LIMS1: variants seen among roughly 807,000 people sequenced by gnomAD.
The protein encoded by LIMS1 is LIM and senescent cell antigen-like-containing domain protein 1.
Under a neutral mutation model 44.1 loss-of-function variants are expected in LIMS1, and 18 were observed. The observed-to-expected ratio is 0.41, with a 90% CI of 0.28 to 0.61. LIMS1 has a LOEUF of 0.61. Among genes scored for constraint, LIMS1 ranks in the 20% least tolerant of loss-of-function variants. The probability of loss-of-function intolerance (pLI) is 0.32; values close to 1 mark genes in which losing one functional copy is unlikely to be tolerated. For missense variants in LIMS1, 201 were observed against 422.0 expected (o/e 0.48, Z 4.59); for synonymous variants, 93 against 149.1 (o/e 0.62, Z 2.74).
At chr2:108,661,336 CT>C (rs200878283) in intron 2 of LIMS1, among the ~76,000 whole-genome samples, 173 of 146,028 alleles carry the variant, frequency 1.2e-3, no homozygotes, top group Middle Eastern at 3.6e-3. Flanking sequence ...TCTTCTAGTT[CT>C]TTTTTTTTTT....
At position 108,581,286 on chromosome 2, in the gene LIMS1, C is replaced by T. The variant is rs534388538; in HGVS notation, c.32+46692C>T. 3.3e-5 allele frequency among the ~76,000 whole-genome samples: 5 copies of T among 152,252 alleles called. No individual in the cohort carries two copies. In the East Asian group the frequency reaches 5.8e-4, roughly 18 times the overall value. ...GAAGTAAAACTTAACCCCCGCCAGT[C>T]GTAAGCTGCCAACTAACATATGACT... is the stretch of plus-strand genomic sequence containing the variant. On this transcript the variant is annotated intron_variant, in intron 1 of 9. Coordinates refer to ENST00000544547, the Ensembl canonical transcript of LIMS1.
At chr2:108,685,941 C>T (rs1406598525) in exon 10 of LIMS1, 1 of 152,136 alleles carries the variant, frequency 6.6e-6, no homozygotes, top group Non-Finnish European at 1.5e-5. Flanking sequence ...GGCCTGAACT[C>T]GACTGCTTGT....
intron 1 of LIMS1, among the ~76,000 whole-genome samples, chr2:108,596,964 A>G (rs1211996038): frequency 8.7e-6 from 1 of 114,518 alleles, no homozygotes; most frequent in South Asian, 3.2e-4. Flanking sequence ...GCTGAGGTGC[A>G]GTGGCATGAT....
At chr2:108,675,668 T>C (rs2149006023) in intron 5 of LIMS1, among the ~76,000 whole-genome samples, 1 of 152,346 alleles carries the variant, frequency 6.6e-6, no homozygotes, top group Middle Eastern at 3.4e-3. Flanking sequence ...TTGCATCTTA[T>C]CCTTTTAAGA....
At chr2:108,545,783 A>G (rs1684462853) in intron 1 of LIMS1, among the ~76,000 whole-genome samples, 1 of 152,204 alleles carries the variant, frequency 6.6e-6, no homozygotes, top group Non-Finnish European at 1.5e-5. Flanking sequence ...ATAAATGGGA[A>G]AATGACAGAA....
chr2:108,683,923 A>G (rs913369890), exon 10 of LIMS1: 4 of 1,603,436 alleles, frequency 2.5e-6, no homozygotes, highest in Non-Finnish European at 2.6e-6. Context: ...CCAGTCTGTA[A>G]GAAGTGCTAT....
intron 1 of LIMS1, among the ~76,000 whole-genome samples, chr2:108,566,836 A>G (rs562963564): frequency 2.6e-5 from 4 of 152,222 alleles, no homozygotes; most frequent in African/African-American, 9.6e-5. Context: ...ACCTCAGGTG[A>G]TGCTCCCGCC....
intron 1 of LIMS1, chr2:108,621,519 G>C: frequency 8.1e-7 from 1 of 1,229,512 alleles, no homozygotes; most frequent in Non-Finnish European, 1.2e-6. Flanking sequence ...TAAGTGCAGT[G>C]GGGATTCATG....
intron 1 of LIMS1, among the ~76,000 whole-genome samples, chr2:108,557,936 T>C (rs1304040733): frequency 6.6e-6 from 1 of 152,258 alleles, no homozygotes; most frequent in Non-Finnish European, 1.5e-5. Context: ...AGTACAATGT[T>C]ATCTCTATGA....
intron 1 of LIMS1, among the ~76,000 whole-genome samples, chr2:108,538,024 A>C (rs1684198751): frequency 6.6e-6 from 1 of 152,200 alleles, no homozygotes; most frequent in Admixed American, 6.5e-5. Flanking sequence ...TTTGCACTTA[A>C]ATAGAAGGAA....
At chr2:108,557,542 A>G (rs1684966451) in intron 1 of LIMS1, among the ~76,000 whole-genome samples, 1 of 150,838 alleles carries the variant, frequency 6.6e-6, no homozygotes, top group Non-Finnish European at 1.5e-5. Context: ...TGAGAGACCT[A>G]GTCTTGCTCT....
At chr2:108,534,574 G>A (rs2104555804) in exon 1 of LIMS1, 1 of 1,191,072 alleles carries the variant, frequency 8.4e-7, no homozygotes, top group Non-Finnish European at 1.1e-6. Context: ...TGCTGGGCGT[G>A]GCGGCCGGGA....
intron 1 of LIMS1, among the ~76,000 whole-genome samples, chr2:108,594,830 C>G (rs1473609409): frequency 6.6e-6 from 1 of 152,062 alleles, no homozygotes; most frequent in Admixed American, 6.6e-5. Flanking sequence ...TGAATTCAGA[C>G]TAGCCACATT....
chr2:108,673,398 C>G, intron 5 of LIMS1: 1 of 313,252 alleles, frequency 3.2e-6, no homozygotes, highest in Non-Finnish European at 6.0e-6. Flanking sequence ...TTTTTTTTTG[C>G]CTTGAGACAG....
intron 5 of LIMS1, among the ~76,000 whole-genome samples, chr2:108,675,335 A>G (rs1573616320): frequency 6.6e-6 from 1 of 151,470 alleles, no homozygotes; most frequent in South Asian, 2.1e-4. Context: ...AGGAGGGGGG[A>G]AGGAAGAGAA....
intron 1 of LIMS1, 136 bp downstream of exon 1, chr2:108,534,730 C>G (rs1384136630): frequency 3.2e-6 from 1 of 309,588 alleles, no homozygotes; most frequent in East Asian, 1.7e-4. Flanking sequence ...GCCGGAGCCC[C>G]GACCCCCAGC....
rs554062151 is a variant in LIMS1 at position 108,611,921 on chromosome 2, AAT to A, written c.33-47674_33-47673del. Among the ~76,000 whole-genome samples the A allele has an allele frequency of 5.6e-3, 462 of 82,228 alleles. 3 individuals are homozygous for A. Among genetic ancestry groups the A allele is most frequent in the East Asian group, 0.031 (28 of 916 alleles). The allele number at this position is 82,228 out of a possible 152,430, so 53.9% of individuals were successfully genotyped here. ...ATATATAAAATATACACACATATAA[AAT>A]ATATATATACATATATAAAATATAT... On this transcript the variant is annotated intron_variant, in intron 1 of 9. Coordinates refer to ENST00000544547, the Ensembl canonical transcript of LIMS1.
chr2:108,556,044 G>T (rs1412763311), intron 1 of LIMS1, among the ~76,000 whole-genome samples: 1 of 151,788 alleles, frequency 6.6e-6, no homozygotes, highest in African/African-American at 2.4e-5. Context: ...ATTTTTAAGT[G>T]TATAATTCAG....
chr2:108,664,672 G>A (rs1283125670), intron 2 of LIMS1, among the ~76,000 whole-genome samples: 3 of 151,840 alleles, frequency 2.0e-5, no homozygotes, highest in Non-Finnish European at 2.9e-5. Context: ...TCAACTTCTG[G>A]CCTTTCTCTC....
Sources: allele counts gnomAD v4.1 joint callset (sites outside exome capture counted in the v4.1 genomes callset), GRCh38; gene constraint gnomAD v4.1.1; transcripts MANE v1.5; gene names NCBI Gene and HGNC (gene_info 2026-07-23, HGNC 2026-07-21).